The following FLCN variants were observed in gnomAD, a reference collection of about 807,000 sequenced individuals.
The protein encoded by FLCN is folliculin.
FLCN carries 22 observed loss-of-function variants against 62.5 expected under a neutral mutation model. The ratio of observed to expected loss-of-function variants is 0.35; its 90% CI spans 0.25 to 0.50. The LOEUF (loss-of-function observed/expected upper bound fraction) is 0.50. Among genes scored for constraint, FLCN ranks in the 20% least tolerant of loss-of-function variants. The pLI, the probability that FLCN is intolerant of heterozygous loss-of-function variation, is 0.97. For missense variants in FLCN, 657 were observed against 778.0 expected (o/e 0.84, Z 1.85); for synonymous variants, 319 against 310.0 (o/e 1.03, Z -0.30).
In FLCN at chr17:17,224,053, C is replaced by A. The variant is rs1232349863; in HGVS notation, c.487G>T (p.Ala163Ser). 1.2e-6 allele frequency: 2 copies of A among 1,613,730 alleles called. No individual in the cohort carries two copies. The highest frequency in any genetic ancestry group is 1.1e-5 in the South Asian group (1 of 91,062). Residue 163 changes from alanine (A) to serine (S), a missense_variant, in exon 6 of 14, where the codon GCC becomes TCC. Physicochemically the swap from Ala to Ser is moderately conservative, Grantham distance 99. Coordinates refer to ENST00000285071, the MANE Select transcript of FLCN (RefSeq NM_144997.7). ...CTGTACCAGCGCTGGAAGCCCCTGG[C>A]CAGGCTGTCCTTGATGAAGAAGGTG... is the stretch of plus-strand genomic sequence containing the variant. ...SHTFFIKDSLARGFQRWYSII... is the reference protein window; with the variant it reads ...SHTFFIKDSLSRGFQRWYSII...
At position 17,222,525 on chromosome 17, in the gene FLCN, G is replaced by A. The variant is rs2047123533; in HGVS notation, c.755C>T (p.Ala252Val). The stretch of plus-strand genomic sequence containing the variant: ...CCAGGCAAAGGAGGTGTGCAGGCAC[G>A]CCCACAGGTTGTCATCACTTGTCAG... ...TSLTSDDNLW[A>V]CLHTSFAWLL... Residue 252 changes from alanine to valine, a missense_variant, in exon 7 of 14, where the codon GCG (alanine) becomes GTG (valine). Physicochemically the swap from Ala to Val is moderately conservative, Grantham distance 64. Coordinates refer to ENST00000285071, the MANE Select transcript of FLCN (RefSeq NM_144997.7). 1.2e-6 allele frequency: 2 copies of A among 1,614,194 alleles called. No individual in the cohort carries two copies. Among genetic ancestry groups the A allele is most frequent in the East Asian group, 2.2e-5 (1 of 44,890 alleles).
chr17:17,222,461 C>G (rs1386211535), intron 7 of FLCN, 40 bp downstream of exon 7: 1 of 1,613,760 alleles, frequency 6.2e-7, no homozygotes. Context: ...CGTGACTGCT[C>G]TATCCTAACA....
chr17:17,224,248 C>CT, intron 5 of FLCN, 105 bp from the exon 6 acceptor site: 2 of 1,050,998 alleles, frequency 1.9e-6, no homozygotes, highest in Non-Finnish European at 2.9e-6. Flanking sequence ...AATCAGCCAG[C>CT]GTTAATAACG....
In FLCN at chr17:17,222,555, G is replaced by A. The variant is rs536249722; in HGVS notation, c.725C>T (p.Thr242Ile). ...CAGGTTGTCATCACTTGTCAGCGAT[G>A]TCAGCGAGCGGGCGGCGTTGCCGTT... ...QRNGNAARSL[T>I]SLTSDDNLWA... is the part of the protein sequence containing the mutation. Residue 242 changes from threonine (T) to isoleucine (I), a missense_variant, in exon 7 of 14, where the codon ACA (threonine) becomes ATA (isoleucine). Thr to Ile is a moderately conservative substitution (Grantham distance 89, BLOSUM62 -1). Coordinates refer to ENST00000285071, the MANE Select transcript of FLCN (RefSeq NM_144997.7). 4 of 1,614,272 alleles carry A rather than the reference G, an allele frequency of 2.5e-6. No individual in the cohort carries two copies. The highest frequency in any genetic ancestry group is 2.2e-5 in the East Asian group (1 of 44,886).
chr17:17,216,529 C>G lies in FLCN; in HGVS notation c.1177-26G>C. Reference sequence around the variant, plus strand: ...CTGAGGAGGACAGCAGGACTCAGACCAAGGACACGAGGAAGCCCTCAGCCC... The same window carrying G: ...CTGAGGAGGACAGCAGGACTCAGACGAAGGACACGAGGAAGCCCTCAGCCC... On this transcript the variant is annotated intron_variant, in intron 10 of 13. Coordinates refer to ENST00000285071, the MANE Select transcript of FLCN (RefSeq NM_144997.7). This position sits in a 1 kb window ranked among gnomAD's most constrained non-coding sequence, Gnocchi z 4.0. 1 of 1,613,242 alleles carries G rather than the reference C, an allele frequency of 6.2e-7. No individual in the cohort carries two copies. Among genetic ancestry groups the G allele is most frequent in the African/African-American group, 1.3e-5 (1 of 75,018 alleles).
Position 17,228,077 on chromosome 17 carries a change from A to G in FLCN, c.61T>C (p.Cys21Arg). ...CELHGPRTLF[C>R]TEVLHAPLPQ... ...AGTGGGGCGTGCAGCACCTCCGTGC[A>G]GAAGAGAGTGCGGGGGCCGTGGAGC... The change falls in exon 4 of 14, where the codon TGC (cysteine) becomes CGC (arginine). Residue 21 changes from cysteine to arginine, a missense_variant. By Grantham distance (180) the Cys-to-Arg change is radical (BLOSUM62 -3). Transcript: ENST00000285071. 2 of 1,613,660 alleles carry G rather than the reference A, an allele frequency of 1.2e-6. No homozygotes were observed. The highest frequency in any genetic ancestry group is 1.7e-6 in the Non-Finnish European group (2 of 1,180,034).
At position 17,216,978 on chromosome 17, in the gene FLCN, G is replaced by A. The variant is rs2046944507; in HGVS notation, c.1176+91C>T. On this transcript the variant is annotated intron_variant, in intron 10 of 13. Coordinates refer to ENST00000285071, the MANE Select transcript of FLCN (RefSeq NM_144997.7). The surrounding 1 kb of genome is among the most constrained non-coding windows in gnomAD (Gnocchi z 4.0). ...TGTGGTGCACAGCGGTTCTGTGCTG[G>A]GCAGTCGGTGCACCTTGGCATCCCC... 2.1e-6 allele frequency: 2 copies of A among 934,058 alleles called. No individual in the cohort carries two copies. Among genetic ancestry groups the A allele is most frequent in the Non-Finnish European group, 3.5e-6 (2 of 574,064 alleles). The allele number at this position is 934,058 out of a possible 1,614,324, so 57.9% of individuals were successfully genotyped here.
intron 13 of FLCN, 89 bp from the exon 14 acceptor site, chr17:17,213,945 G>A: frequency 7.2e-7 from 1 of 1,386,674 alleles, no homozygotes; most frequent in Admixed American, 1.7e-5. Flanking sequence ...ACACGGCTTT[G>A]GCACCAGCAG....
chr17:17,229,893 C>T (rs976813863), intron 3 of FLCN, among the ~76,000 whole-genome samples: 26 of 152,266 alleles, frequency 1.7e-4, no homozygotes, highest in African/African-American at 5.8e-4. Context: ...GCGATGCCGG[C>T]GGAACCATGT....
intron 8 of FLCN, 145 bp downstream of exon 8, chr17:17,221,392 G>T (rs764640847): frequency 6.2e-7 from 1 of 1,613,264 alleles, no homozygotes; most frequent in African/African-American, 1.3e-5. Flanking sequence ...CACCGAGATC[G>T]GAGGGTGAGC....
chr17:17,214,769 C>T (rs2046858121), intron 13 of FLCN, among the ~76,000 whole-genome samples: 1 of 152,102 alleles, frequency 6.6e-6, no homozygotes, highest in Non-Finnish European at 1.5e-5. Context: ...GCAGGCGCCA[C>T]CCCCACCTCC....
intron 1 of FLCN, among the ~76,000 whole-genome samples, 183 bp from the exon 2 acceptor site, chr17:17,233,084 T>G (rs2047469562): frequency 6.6e-6 from 1 of 152,184 alleles, no homozygotes; most frequent in African/African-American, 2.4e-5. Flanking sequence ...AGCTGACATT[T>G]TAGCTGAACT....
chr17:17,233,598 C>CAAAAA (rs71152852), intron 1 of FLCN, among the ~76,000 whole-genome samples: 4 of 75,270 alleles, frequency 5.3e-5, no homozygotes, highest in Admixed American at 1.7e-4. Context: ...GACTCCATCT[C>CAAAAA]AAAAAAAAAA....
In FLCN at chr17:17,232,373, G is replaced by A. The variant is rs550093401; in HGVS notation, c.-114+415C>T. The stretch of plus-strand genomic sequence containing the variant: ...GACACACAGGAAGCGCCACATTCAC[G>A]TGTTAGATAAATGAGAGGACTGAGA... On this transcript the variant is annotated intron_variant, in intron 2 of 13. Transcript: ENST00000285071. Among the ~76,000 whole-genome samples the A allele has an allele frequency of 8.3e-4, 127 of 152,314 alleles. 1 individual carries two copies. Among genetic ancestry groups the A allele is most frequent in the Non-Finnish European group, 4.9e-4 (33 of 68,030 alleles).
At position 17,212,964 on chromosome 17, in the gene FLCN, C is replaced by A. The variant is rs1180534095; in HGVS notation, c.*691G>T. On this transcript the variant is annotated 3_prime_UTR_variant, in exon 14 of 14. Coordinates refer to ENST00000285071, the MANE Select transcript of FLCN (RefSeq NM_144997.7). Reference sequence around the variant, plus strand: ...TGGGCAAGTCAGATGCTTGCCGACCCCTCAGCAACCTGTCTTGTGCAAAAA... The same window carrying A: ...TGGGCAAGTCAGATGCTTGCCGACCACTCAGCAACCTGTCTTGTGCAAAAA... The A allele has an allele frequency of 8.4e-6, 2 of 236,752 alleles. No homozygotes were observed. Among genetic ancestry groups the A allele is most frequent in the Non-Finnish European group, 1.7e-5 (2 of 120,064 alleles). The allele number at this position is 236,752 out of a possible 1,614,324, so 14.7% of individuals were successfully genotyped here. A position where few individuals can be genotyped will look rare whatever the true frequency, so the allele number is the denominator to read the frequency against.
intron 8 of FLCN, chr17:17,221,199 G>A (rs1339308081): frequency 2.0e-6 from 3 of 1,508,736 alleles, no homozygotes; most frequent in Admixed American, 2.0e-5. Context: ...TTGTAAAGGA[G>A]CAAAGACCGT....
intron 7 of FLCN, 100 bp from the exon 8 acceptor site, chr17:17,221,728 G>T: frequency 7.6e-7 from 1 of 1,320,558 alleles, no homozygotes; most frequent in Non-Finnish European, 1.1e-6. Context: ...GAAAAAATGG[G>T]TATAAAAGAA....
chr17:17,219,032 C>T lies in FLCN; in HGVS notation c.1049G>A (p.Arg350Gln), dbSNP rs190786280. ...CCTGCCGCCTACCTGCCTCATGTGC[C>T]GGAGGGACTTGAAGACTGGCAGCTT... ...PRKLPVFKSL[R>Q]HMRQVLGAPS... Residue 350 changes from arginine to glutamine, a missense_variant, in exon 9 of 14, where the codon CGG becomes CAG. Physicochemically the swap from Arg to Gln is conservative, Grantham distance 43. Transcript: ENST00000285071. 7.7e-5 allele frequency: 125 copies of T among 1,613,708 alleles called. No individual in the cohort carries two copies. Among genetic ancestry groups the T allele is most frequent in the Middle Eastern group, 1.7e-4 (1 of 5,958 alleles).
Position 17,228,006 on chromosome 17 carries a change from C to T in FLCN, c.132G>A (p.Gln44=), listed in dbSNP as rs2145045741. 6.2e-7 allele frequency: 1 copy of T among 1,614,080 alleles called. No homozygotes were observed. The highest frequency in any genetic ancestry group is 1.7e-5 in the Admixed American group (1 of 60,028). Residue 44 remains glutamine (Q), a synonymous_variant, in exon 4 of 14, where the codon CAG becomes CAA. Coordinates refer to ENST00000285071, the MANE Select transcript of FLCN (RefSeq NM_144997.7). ...GNEDSPGQGE[Q]AEEEEGGIQM... is the part of the protein sequence containing the mutation. ...GAATGCCACCTTCCTCTTCTTCCGC[C>T]TGCTCACCCTGGCCAGGACTGTCCT...
Sources: gnomAD v4.1 joint callset for allele counts (sites outside exome capture counted in the v4.1 genomes callset) on GRCh38, gnomAD v4.1.1 for gene constraint, Gnocchi (gnomAD v3.1) non-coding constraint, MANE v1.5 for transcripts, NCBI Gene and HGNC (gene_info 2026-07-23, HGNC 2026-07-21) for gene names.